USP31: variants seen among roughly 807,000 people sequenced by gnomAD.
USP31 encodes ubiquitin specific peptidase 31, also known as ubiquitin carboxyl-terminal hydrolase 31.
In USP31, 44 loss-of-function variants were observed where a neutral mutation model predicts 119.4. The ratio of observed to expected loss-of-function variants is 0.37; its 90% CI spans 0.29 to 0.47. The LOEUF (loss-of-function observed/expected upper bound fraction) is 0.47. Ranked by LOEUF, USP31 falls within the 20% of genes least tolerant of loss-of-function variation. The pLI is 0.99. For missense variants in USP31, 1,643 were observed against 1,730.2 expected (o/e 0.95, Z 0.89); for synonymous variants, 749 against 705.6 (o/e 1.06, Z -0.97).
At chr16:23,136,473 T>G (rs572272926) in intron 1 of USP31, among the ~76,000 whole-genome samples, 2 of 151,982 alleles carry the variant, frequency 1.3e-5, no homozygotes, top group Non-Finnish European at 2.9e-5. Context: ...GCCAACATGG[T>G]GAAACCCCGT....
intron 1 of USP31, chr16:23,115,880 A>C: frequency 1.3e-6 from 1 of 794,664 alleles, no homozygotes; most frequent in Non-Finnish European, 1.5e-6. Context: ...AAGAGCCATA[A>C]AATTAGACAT....
rs148627286 is a variant in USP31, at chr16:23,068,782, G to A, written c.3323C>T (p.Ser1108Leu). 1 of 1,571,796 alleles carries A rather than the reference G, an allele frequency of 6.4e-7. No homozygotes were observed. The highest frequency in any genetic ancestry group is 8.6e-7 in the Non-Finnish European group (1 of 1,161,394). Residue 1108 changes from serine to leucine, a missense_variant, in exon 16 of 16, where the codon TCA (serine) becomes TTA (leucine). By Grantham distance (145) the Ser-to-Leu change is moderately radical. Coordinates refer to ENST00000219689, the MANE Select transcript of USP31 (RefSeq NM_020718.4). Reference protein sequence around the residue: ...ESSPKSQDSVSSPSPQKQKSA... With the variant: ...ESSPKSQDSVLSPSPQKQKSA... ...CTTCTGCTTCTGTGGCGAAGGAGATGACACGGAGTCCTGAGATTTCGGGGA... is the reference window on the plus strand; with the variant it reads ...CTTCTGCTTCTGTGGCGAAGGAGATAACACGGAGTCCTGAGATTTCGGGGA...
At chr16:23,117,237 T>C (rs948378396) in intron 1 of USP31, among the ~76,000 whole-genome samples, 2 of 152,222 alleles carry the variant, frequency 1.3e-5, no homozygotes, top group South Asian at 2.1e-4. Context: ...GTGTCCATCA[T>C]ATCCATGTTC....
chr16:23,090,703 A>G lies in USP31; in HGVS notation c.1336T>C (p.Ser446Pro). ...QTAAKQGKMD[S>P]PTSRAGSDKI... ...TCGCTGCCTGCTCTTGATGTGGGAG[A>G]ATCCATTTTCCCCTGCTTTGCTGCT... Residue 446 changes from serine (S) to proline (P), a missense_variant, in exon 7 of 16, where the codon TCT becomes CCT. This residue lies in a region of USP31 where 219 missense variants were observed against 226.4 expected (regional missense o/e 0.97). Coordinates refer to ENST00000219689, the MANE Select transcript of USP31 (RefSeq NM_020718.4). 6.2e-7 allele frequency: 1 copy of G among 1,614,022 alleles called. No homozygotes were observed. Among genetic ancestry groups the G allele is most frequent in the Non-Finnish European group, 8.5e-7 (1 of 1,179,980 alleles).
Position 23,088,511 on chromosome 16 carries a change from A to G in USP31, c.1416-676T>C, listed in dbSNP as rs149843402. On this transcript the variant is annotated intron_variant, in intron 7 of 15. Coordinates refer to ENST00000219689, the MANE Select transcript of USP31 (RefSeq NM_020718.4). ...TATGCAGCCAATGTTGAGGACCACTATCCTAGCCTCAACTCTCATCCACGC... is the reference window on the plus strand; with the variant it reads ...TATGCAGCCAATGTTGAGGACCACTGTCCTAGCCTCAACTCTCATCCACGC... 2.3e-3 allele frequency among the ~76,000 whole-genome samples: 348 copies of G among 152,292 alleles called. 3 individuals are homozygous for G. The highest frequency in any genetic ancestry group is 7.7e-3 in the African/African-American group (321 of 41,566).
intron 1 of USP31, among the ~76,000 whole-genome samples, chr16:23,114,274 G>A (rs1313667230): frequency 3.4e-5 from 5 of 148,664 alleles, no homozygotes; most frequent in Non-Finnish European, 7.5e-5. Context: ...AGGGAACCTG[G>A]TTTTTTGAGT....
rs377236494 is a variant in USP31, at chr16:23,072,151, C to G, written c.2382G>C (p.Pro794=). The change falls in exon 15 of 16, where the codon CCG becomes CCC. Residue 794 remains proline (P), a synonymous_variant. Transcript: ENST00000219689. The part of the protein sequence containing the change: ...SLCEHWVSRL[P]GSKPASVTSA... ...AGGTCACGCTGGCTGGCTTGCTGCCCGGGAGCCGGCTCACCCAGTGTTCAC... is the reference window on the plus strand; with the variant it reads ...AGGTCACGCTGGCTGGCTTGCTGCCGGGGAGCCGGCTCACCCAGTGTTCAC... 1.9e-6 allele frequency: 3 copies of G among 1,611,262 alleles called. No homozygotes were observed. The highest frequency in any genetic ancestry group is 1.3e-5 in the African/African-American group (1 of 75,020).
intron 1 of USP31, among the ~76,000 whole-genome samples, chr16:23,144,282 T>C (rs552865147): frequency 3.9e-5 from 6 of 152,216 alleles, no homozygotes; most frequent in African/African-American, 1.2e-4. Context: ...GATGGCAAAT[T>C]GGTTTTATCT....
chr16:23,087,053 G>A, intron 9 of USP31, 39 bp downstream of exon 9: 2 of 1,471,282 alleles, frequency 1.4e-6, no homozygotes, highest in Non-Finnish European at 1.9e-6. Context: ...GAATATGTGT[G>A]AGATTCTAAA....
chr16:23,108,245 T>G, intron 1 of USP31, 62 bp from the exon 2 acceptor site: 9 of 1,529,498 alleles, frequency 5.9e-6, no homozygotes, highest in Non-Finnish European at 7.9e-6. Flanking sequence ...GAAAAACTAT[T>G]TATTCATAAT....
At chr16:23,100,279 T>A (rs1471328354) in intron 6 of USP31, among the ~76,000 whole-genome samples, 1 of 152,166 alleles carries the variant, frequency 6.6e-6, no homozygotes, top group African/African-American at 2.4e-5. Flanking sequence ...CAAATGTTCA[T>A]TAACAATGAA....
intron 2 of USP31, among the ~76,000 whole-genome samples, chr16:23,107,831 A>G (rs1902168761): frequency 6.6e-6 from 1 of 152,218 alleles, no homozygotes; most frequent in Non-Finnish European, 1.5e-5. Flanking sequence ...CCCTCTCATT[A>G]GACTATAAAT....
At chr16:23,079,013 A>C (rs1369173365) in intron 13 of USP31, 1 of 152,252 alleles carries the variant, frequency 6.6e-6, no homozygotes, top group Non-Finnish European at 1.5e-5. Flanking sequence ...TACCAAGAGT[A>C]GTCAAATTCA....
At chr16:23,096,311 T>A (rs1901612070) in intron 6 of USP31, among the ~76,000 whole-genome samples, 1 of 152,300 alleles carries the variant, frequency 6.6e-6, no homozygotes, top group African/African-American at 2.4e-5. Flanking sequence ...TACATATATA[T>A]GCACCCAATA....
intron 1 of USP31, among the ~76,000 whole-genome samples, chr16:23,109,580 T>C (rs1210369005): frequency 6.6e-6 from 1 of 152,172 alleles, no homozygotes; most frequent in African/African-American, 2.4e-5. Flanking sequence ...TGAATGTGGC[T>C]TGTGATAGTG....
intron 1 of USP31, among the ~76,000 whole-genome samples, chr16:23,144,536 G>A (rs1903450563): frequency 6.6e-6 from 1 of 151,928 alleles, no homozygotes; most frequent in African/African-American, 2.4e-5. Context: ...CTGGAGCGCA[G>A]TGACATGATC....
At chr16:23,092,665 CG>C (rs908388882) in intron 6 of USP31, among the ~76,000 whole-genome samples, 1 of 151,946 alleles carries the variant, frequency 6.6e-6, no homozygotes, top group Non-Finnish European at 1.5e-5. Context: ...TACAGGGAAA[CG>C]TAACAACTGG....
In USP31 at chr16:23,068,870, A is replaced by T. The variant is rs760456799; in HGVS notation, c.3235T>A (p.Ser1079Thr). ...KPSRSRSKAD[S>T]SSRGSGRHSS... ...TGCCGTCCACTGCCCCTGGAAGAAG[A>T]ATCTGCTTTGCTGCGGGAGCGGGAG... Residue 1079 changes from serine to threonine, a missense_variant, in exon 16 of 16, where the codon TCT (serine) becomes ACT (threonine). Coordinates refer to ENST00000219689, the MANE Select transcript of USP31 (RefSeq NM_020718.4). 1.1e-5 allele frequency: 18 copies of T among 1,585,348 alleles called. No individual in the cohort carries two copies. The highest frequency in any genetic ancestry group is 1.1e-4 in the East Asian group (5 of 44,652).
At chr16:23,105,420 T>G (rs1184176825) in intron 5 of USP31, 21 bp downstream of exon 5, 1 of 1,566,822 alleles carries the variant, frequency 6.4e-7, no homozygotes, top group African/African-American at 1.4e-5. Flanking sequence ...CATGTGTAAC[T>G]GGTCTTAGCA....
Sources: gnomAD v4.1 joint callset for allele counts (sites outside exome capture counted in the v4.1 genomes callset) on GRCh38, gnomAD v4.1.1 for gene constraint, gnomAD v4.1.1 regional missense constraint, MANE v1.5 for transcripts, NCBI Gene and HGNC (gene_info 2026-07-23, HGNC 2026-07-21) for gene names.